FBXO38: variants seen among roughly 807,000 people sequenced by gnomAD.
The protein encoded by FBXO38 is F-box only protein 38.
FBXO38 carries 53 observed loss-of-function variants against 131.9 expected under a neutral mutation model. That is an observed-to-expected ratio of 0.40 (90% CI 0.32 to 0.51). The LOEUF (loss-of-function observed/expected upper bound fraction) is 0.51. Among genes scored for constraint, FBXO38 ranks in the 20% least tolerant of loss-of-function variants. The pLI is 0.53. For synonymous variants in FBXO38, 452 were observed against 505.6 expected, an observed-to-expected ratio of 0.89 and a Z score of 1.42; for missense variants, 1,076 against 1,475.6, an observed-to-expected ratio of 0.73 and a Z score of 4.44.
At chr5:148,400,164 G>A (rs1179532152) in intron 3 of FBXO38, among the ~76,000 whole-genome samples, 1 of 151,978 alleles carries the variant, frequency 6.6e-6, no homozygotes, top group Non-Finnish European at 1.5e-5. Context: ...CTTATTAATA[G>A]GTTTGTGGGA....
intron 11 of FBXO38, chr5:148,416,765 T>G: frequency 2.0e-6 from 1 of 507,860 alleles, no homozygotes. Context: ...TGGGCAGATC[T>G]CTTCTCCTTG....
At chr5:148,406,205 T>G in intron 6 of FBXO38, 52 bp from the exon 7 acceptor site, 2 of 1,460,164 alleles carry the variant, frequency 1.4e-6, no homozygotes, top group South Asian at 2.9e-5. Context: ...GATTTGAAAT[T>G]CATTTTAAGG....
chr5:148,409,029 A>G (rs1752590598), intron 7 of FBXO38, 95 bp from the exon 8 acceptor site: 1 of 665,388 alleles, frequency 1.5e-6, no homozygotes, highest in African/African-American at 1.8e-5. Flanking sequence ...TAAATCAGTA[A>G]TTATCATCTC....
chr5:148,416,427 T>A (rs1354773929), intron 11 of FBXO38, among the ~76,000 whole-genome samples: 1 of 152,182 alleles, frequency 6.6e-6, no homozygotes, highest in African/African-American at 2.4e-5. Context: ...TAAATCTAAT[T>A]AGGAATCCAA....
chr5:148,398,178 A>G (rs564942403), intron 2 of FBXO38, among the ~76,000 whole-genome samples: 16 of 152,160 alleles, frequency 1.1e-4, no homozygotes, highest in Non-Finnish European at 2.4e-4. Context: ...TTGTGAAACA[A>G]TGAGTAGAAT....
At chr5:148,440,573 C>CTTA (rs763696079) in intron 20 of FBXO38, 46 bp downstream of exon 20, 20 of 1,175,718 alleles carry the variant, frequency 1.7e-5, no homozygotes, top group Non-Finnish European at 2.4e-5. Flanking sequence ...CTGTGCAGTA[C>CTTA]TTACCTCTGT....
At chr5:148,392,863 T>C (rs938730915) in intron 1 of FBXO38, among the ~76,000 whole-genome samples, 1 of 152,184 alleles carries the variant, frequency 6.6e-6, no homozygotes, top group Admixed American at 6.5e-5. Context: ...ACATGTTCAA[T>C]GTAACCTTAG....
chr5:148,425,481 T>G, intron 13 of FBXO38, 41 bp from the exon 14 acceptor site: 1 of 1,533,164 alleles, frequency 6.5e-7, no homozygotes, highest in Non-Finnish European at 9.0e-7. Flanking sequence ...AGATCCTTTC[T>G]TGCGCAAAAA....
intron 15 of FBXO38, among the ~76,000 whole-genome samples, chr5:148,431,192 A>G (rs1754026262): frequency 6.6e-6 from 1 of 152,220 alleles, no homozygotes; most frequent in Non-Finnish European, 1.5e-5. Context: ...TAAGTATAGA[A>G]ACCATCATAT....
At chr5:148,441,892 A>G (rs1581316609) in intron 21 of FBXO38, 77 bp from the exon 22 acceptor site, 3 of 1,299,184 alleles carry the variant, frequency 2.3e-6, no homozygotes, top group Middle Eastern at 1.9e-4. Flanking sequence ...GGACTGTCCT[A>G]TGGACCAGCT....
chr5:148,391,766 A>G (rs1758206693), intron 1 of FBXO38, among the ~76,000 whole-genome samples: 1 of 152,164 alleles, frequency 6.6e-6, no homozygotes. Context: ...CAATCTGAAA[A>G]TTTCAAATGA....
chr5:148,416,223 G>A (rs1753045789), intron 11 of FBXO38, among the ~76,000 whole-genome samples, 153 bp downstream of exon 11: 1 of 150,904 alleles, frequency 6.6e-6, no homozygotes, highest in African/African-American at 2.4e-5. Flanking sequence ...CATAAAGGTT[G>A]TAATAATGCA....
intron 3 of FBXO38, among the ~76,000 whole-genome samples, chr5:148,400,488 T>A (rs770004238): frequency 6.6e-6 from 1 of 152,128 alleles, no homozygotes; most frequent in Non-Finnish European, 1.5e-5. Flanking sequence ...TTTTAGGCTA[T>A]GATAAATAAC....
At chr5:148,398,235 A>G (rs1751921021) in intron 2 of FBXO38, among the ~76,000 whole-genome samples, 1 of 152,186 alleles carries the variant, frequency 6.6e-6, no homozygotes, top group South Asian at 2.1e-4. Flanking sequence ...TAACTTTTCA[A>G]AACATTTAAT....
At chr5:148,435,306 T>A (rs1754282857) in intron 17 of FBXO38, among the ~76,000 whole-genome samples, 1 of 152,220 alleles carries the variant, frequency 6.6e-6, no homozygotes, top group African/African-American at 2.4e-5. Flanking sequence ...AAGGCTGTTT[T>A]GCTTTCTTAT....
At chr5:148,439,077 GC>G (rs781526041) in intron 18 of FBXO38, among the ~76,000 whole-genome samples, 37 of 152,160 alleles carry the variant, frequency 2.4e-4, no homozygotes, top group Non-Finnish European at 4.6e-4. Context: ...TATGCTGGGT[GC>G]AAATAAAAAC....
chr5:148,387,658 C>T (rs1014404386), intron 1 of FBXO38, among the ~76,000 whole-genome samples: 4 of 148,958 alleles, frequency 2.7e-5, no homozygotes, highest in African/African-American at 9.9e-5. Flanking sequence ...GAATCACAGT[C>T]TATGGCAGCT....
At chr5:148,390,187 A>G (rs749245111) in intron 1 of FBXO38, among the ~76,000 whole-genome samples, 8 of 152,196 alleles carry the variant, frequency 5.3e-5, no homozygotes, top group Non-Finnish European at 8.8e-5. Context: ...ACTTAAATGA[A>G]GATGAAGCCA....
chr5:148,440,283 C>G (rs1754600400), intron 19 of FBXO38, 141 bp from the exon 20 acceptor site: 1 of 612,036 alleles, frequency 1.6e-6, no homozygotes, highest in Non-Finnish European at 3.0e-6. Context: ...TGAGTGTATC[C>G]TACTTCCGTT....
Sources: gnomAD v4.1 joint callset for allele counts (sites outside exome capture counted in the v4.1 genomes callset) on GRCh38, gnomAD v4.1.1 for gene constraint, MANE v1.5 for transcripts, NCBI Gene and HGNC (gene_info 2026-07-23, HGNC 2026-07-21) for gene names.